RNF31: variants seen among roughly 807,000 people sequenced by gnomAD.
RNF31 encodes the protein E3 ubiquitin-protein ligase RNF31.
In RNF31, 38 loss-of-function variants were observed where a neutral mutation model predicts 133.6. That is an observed-to-expected ratio of 0.28 (90% CI 0.22 to 0.37). RNF31 has a LOEUF of 0.37. Among genes scored for constraint, RNF31 ranks in the 10% least tolerant of loss-of-function variants. The pLI, the probability that RNF31 is intolerant of heterozygous loss-of-function variation, is 1.00. For missense variants in RNF31, 1,118 were observed against 1,394.1 expected (o/e 0.80, Z 3.15); for synonymous variants, 582 against 552.3 (o/e 1.05, Z -0.75).
chr14:24,158,999 C>G (rs2038391948), intron 18 of RNF31, among the ~76,000 whole-genome samples: 1 of 138,018 alleles, frequency 7.2e-6, no homozygotes, highest in African/African-American at 2.8e-5. Flanking sequence ...CGCCACCGCA[C>G]TCCAGCCTGG....
Position 24,149,194 on chromosome 14 carries a change from C to T in RNF31, c.632-212C>T, listed in dbSNP as rs559325863. ...GTCAGGCTGGTCTGGAACTCCTGAC[C>T]TCAAGTGATCCACCCACCTCAGCCT... On this transcript the variant is annotated intron_variant, in intron 5 of 20. Coordinates refer to ENST00000324103, the MANE Select transcript of RNF31 (RefSeq NM_017999.5). The T allele has an allele frequency of 1.3e-4, 76 of 604,900 alleles. No individual in the cohort carries two copies. The South Asian group carries it at 1.5e-3, about 12-fold the overall frequency. 37.5% of individuals were successfully genotyped at this position (604,900 alleles called of 1,614,324 possible).
Position 24,151,375 on chromosome 14 carries a change from G to A in RNF31, c.1733G>A (p.Arg578Lys), listed in dbSNP as rs748677851. The part of the protein sequence containing the change: ...AVEECVRTRR[R>K]KVQELQSLGF... ...GAGGAGTGTGTGAGGACCAGGCGAA[G>A]GAAGGTATCAGCTGTGCTGGATATG... Residue 578 changes from arginine (R) to lysine (K), a missense_variant, in exon 9 of 21, where the codon AGG (arginine) becomes AAG (lysine). Arg to Lys is a conservative substitution (Grantham distance 26). This residue lies in a region of RNF31 where 747 missense variants were observed against 827.9 expected (regional missense o/e 0.90). Coordinates refer to ENST00000324103, the MANE Select transcript of RNF31 (RefSeq NM_017999.5). The surrounding 1 kb of genome is among the most constrained non-coding windows in gnomAD (Gnocchi z 5.3). The A allele has an allele frequency of 7.4e-6, 12 of 1,614,084 alleles. No homozygotes were observed. The South Asian group carries it at 1.1e-4, about 15-fold the overall frequency.
chr14:24,157,381 T>G lies in RNF31; in HGVS notation c.2585T>G (p.Met862Arg), dbSNP rs201693544. ...DPEYQAQGLA[M>R]YLQENGIDCP... ...GAATACCAGGCCCAGGGCCTAGCAA[T>G]GTATCTTCAGGAAAACGGCATTGGT... The change falls in exon 15 of 21, where the codon ATG (methionine) becomes AGG (arginine). Residue 862 changes from methionine to arginine, a missense_variant. This residue lies in a region of RNF31 where 201 missense variants were observed against 371.7 expected (regional missense o/e 0.54). Coordinates refer to ENST00000324103, the MANE Select transcript of RNF31 (RefSeq NM_017999.5). 1 of 1,610,446 alleles carries G rather than the reference T, an allele frequency of 6.2e-7. No individual in the cohort carries two copies. The highest frequency in any genetic ancestry group is 8.5e-7 in the Non-Finnish European group (1 of 1,177,140).
Position 24,147,548 on chromosome 14 carries a change from A to G in RNF31, c.-151A>G. On this transcript the variant is annotated 5_prime_UTR_variant, in exon 1 of 21. Coordinates refer to ENST00000324103, the MANE Select transcript of RNF31 (RefSeq NM_017999.5). ...CCTGGCGCTGGGCCGGGGGCTGGAGAGTGACCGTGGTCTGAGTGACCTGGG... is the reference window on the plus strand; with the variant it reads ...CCTGGCGCTGGGCCGGGGGCTGGAGGGTGACCGTGGTCTGAGTGACCTGGG... 1.7e-6 allele frequency: 1 copy of G among 577,006 alleles called. No homozygotes were observed. The highest frequency in any genetic ancestry group is 2.7e-6 in the Non-Finnish European group (1 of 370,296). 35.7% of individuals were successfully genotyped at this position (577,006 alleles called of 1,614,324 possible).
chr14:24,160,583 A>G lies in RNF31; in HGVS notation c.*10A>G. ...CCGCAGGCGGAAGTAGCTGAGGGCA[A>G]GGGTCCCGATGAGGGTCCCATGGCC... On this transcript the variant is annotated 3_prime_UTR_variant, in exon 21 of 21. Transcript: ENST00000324103. The surrounding 1 kb of genome is among the most constrained non-coding windows in gnomAD (Gnocchi z 4.0). 6.6e-7 allele frequency: 1 copy of G among 1,523,456 alleles called. No individual in the cohort carries two copies. Among genetic ancestry groups the G allele is most frequent in the Non-Finnish European group, 8.8e-7 (1 of 1,133,920 alleles). 94.4% of individuals were successfully genotyped at this position (1,523,456 alleles called of 1,614,324 possible).
chr14:24,147,591 G>A lies in RNF31; in HGVS notation c.-108G>A. On this transcript the variant is annotated 5_prime_UTR_variant, in exon 1 of 21. Transcript: ENST00000324103. ...GACCTGGGGCGGCTGCGTGGGCCGG[G>A]GTGGGCCTCAAAGCCGGGCACCAGA... The A allele has an allele frequency of 9.9e-7, 1 of 1,009,206 alleles. No homozygotes were observed. Among genetic ancestry groups the A allele is most frequent in the Non-Finnish European group, 1.3e-6 (1 of 753,160 alleles). 62.5% of individuals were successfully genotyped at this position (1,009,206 alleles called of 1,614,324 possible).
intron 3 of RNF31, 52 bp downstream of exon 3, chr14:24,148,465 C>T: frequency 6.2e-7 from 1 of 1,612,774 alleles, no homozygotes; most frequent in Non-Finnish European, 8.5e-7. Context: ...CTGGGGAGCC[C>T]AGCCTAACTC....
chr14:24,147,111 GACC>G (rs2038177653), upstream of RNF31: 1 of 173,720 alleles, frequency 5.8e-6, no homozygotes, highest in African/African-American at 2.4e-5. Context: ...CTTCAGGACA[GACC>G]GGAGATGGGG....
chr14:24,148,231 G>C, intron 2 of RNF31, 27 bp from the exon 3 acceptor site: 1 of 1,614,066 alleles, frequency 6.2e-7, no homozygotes, highest in Non-Finnish European at 8.5e-7. Flanking sequence ...AACCTCCTGG[G>C]TGGTGACTCG....
At position 24,151,601 on chromosome 14, in the gene RNF31, G is replaced by A; in HGVS notation, c.1854G>A (p.Glu618=). 1 of 1,613,888 alleles carries A rather than the reference G, an allele frequency of 6.2e-7. No homozygotes were observed. The stretch of plus-strand genomic sequence containing the variant: ...CTGAGCTACAGCGCCAACGCCTAGA[G>A]CCCTTCCGCCAGCGCCTCTGGGACA... ...ALTELQRQRL[E]PFRQRLWDSG... is the part of the protein sequence containing the mutation. Residue 618 remains glutamate, a synonymous_variant, in exon 10 of 21, where the codon GAG becomes GAA. Transcript: ENST00000324103. The surrounding 1 kb of genome is among the most constrained non-coding windows in gnomAD (Gnocchi z 5.3).
Position 24,150,422 on chromosome 14 carries a change from G to A in RNF31, c.1171G>A (p.Ala391Thr). ...PPSLVVDSRD[A>T]GICLQPLQQG... is the part of the protein sequence containing the mutation. ...CAGCTTGGTGGTGGATTCCCGAGAT[G>A]CTGGCATTTGCCTGCAACCCCTTCA... The change falls in exon 7 of 21, where the codon GCT becomes ACT. Residue 391 changes from alanine (A) to threonine (T), a missense_variant. This residue lies in a region of RNF31 where 747 missense variants were observed against 827.9 expected (regional missense o/e 0.90). Transcript: ENST00000324103. The A allele has an allele frequency of 2.5e-6, 4 of 1,611,662 alleles. No individual in the cohort carries two copies. The highest frequency in any genetic ancestry group is 3.4e-6 in the Non-Finnish European group (4 of 1,178,896).
At position 24,158,421 on chromosome 14, in the gene RNF31, G is replaced by C. The variant is rs918692917; in HGVS notation, c.2899+222G>C. Among the ~76,000 whole-genome samples the C allele has an allele frequency of 5.2e-5, 8 of 152,382 alleles. No homozygotes were observed. The South Asian group carries it at 6.2e-4, about 12-fold the overall frequency. ...CATCTTTAAAGAACCTGGTACCCAA[G>C]AAGGCATTAATACTAATTTTCTTCT... On this transcript the variant is annotated intron_variant, in intron 18 of 20. Transcript: ENST00000324103.
intron 18 of RNF31, 165 bp from the exon 19 acceptor site, chr14:24,159,699 G>A (rs916042220): frequency 1.7e-5 from 10 of 598,740 alleles, no homozygotes; most frequent in South Asian, 4.1e-5. Flanking sequence ...ATGGTCTGCC[G>A]TTGACGGCAC....
intron 18 of RNF31, among the ~76,000 whole-genome samples, chr14:24,159,271 C>T (rs1433522091): frequency 1.2e-4 from 18 of 145,596 alleles, no homozygotes; most frequent in Admixed American, 2.1e-4. Flanking sequence ...CACTTGAACC[C>T]GGGAGGTGGA....
At chr14:24,148,606 T>G in intron 3 of RNF31, 36 bp from the exon 4 acceptor site, 1 of 1,611,086 alleles carries the variant, frequency 6.2e-7, no homozygotes, top group Non-Finnish European at 8.5e-7. Flanking sequence ...GTTCTAGGGG[T>G]CTAGCTGGAA....
chr14:24,154,740 A>G (rs2038317357), intron 11 of RNF31, among the ~76,000 whole-genome samples: 1 of 152,172 alleles, frequency 6.6e-6, no homozygotes, highest in Non-Finnish European at 1.5e-5. Flanking sequence ...ATGGATGCAT[A>G]TAACCACCAC....
intron 18 of RNF31, among the ~76,000 whole-genome samples, chr14:24,159,487 A>G (rs908299467): frequency 6.6e-6 from 1 of 152,046 alleles, no homozygotes; most frequent in Admixed American, 6.5e-5. Context: ...AGCCCAAACA[A>G]CATAGTGAGA....
At chr14:24,157,128 G>C (rs2038352172) in intron 14 of RNF31, among the ~76,000 whole-genome samples, 162 bp from the exon 15 acceptor site, 1 of 152,222 alleles carries the variant, frequency 6.6e-6, no homozygotes. Context: ...AGGAGAAAAT[G>C]AAAGGACCAA....
chr14:24,152,830 C>T (rs977777424), intron 11 of RNF31, among the ~76,000 whole-genome samples: 1 of 152,182 alleles, frequency 6.6e-6, no homozygotes, highest in African/African-American at 2.4e-5. Flanking sequence ...GCCTCTAATG[C>T]CAGCACTTTG....
Sources: allele counts gnomAD v4.1 joint callset (sites outside exome capture counted in the v4.1 genomes callset), GRCh38; gene constraint gnomAD v4.1.1; regional missense constraint gnomAD v4.1.1; non-coding constraint Gnocchi (gnomAD v3.1); transcripts MANE v1.5; gene names NCBI Gene and HGNC (gene_info 2026-07-23, HGNC 2026-07-21).